The following ERI3 variants were observed in gnomAD, a reference collection of about 807,000 sequenced individuals.
The protein encoded by ERI3 is ERI1 exoribonuclease family member 3, also known as ERI1 exoribonuclease 3.
A neutral mutation model predicts 44.4 loss-of-function variants in ERI3; 18 were observed. The observed-to-expected ratio is 0.41, with a 90% CI of 0.28 to 0.60. ERI3 has a LOEUF of 0.60. ERI3 is among the 20% of genes least tolerant of loss of function. ERI3 has a pLI of 0.36. For missense variants in ERI3, 294 were observed against 435.5 expected (o/e 0.68, Z 2.89); for synonymous variants, 183 against 164.8 (o/e 1.11, Z -0.84).
At chr1:44,305,201 T>C (rs1645808311) in intron 6 of ERI3, among the ~76,000 whole-genome samples, 1 of 152,250 alleles carries the variant, frequency 6.6e-6, no homozygotes, top group Admixed American at 6.5e-5. Context: ...TCAGCCGTGC[T>C]GTGCTACATG....
rs1270288266 is a variant in ERI3, at chr1:44,276,405, G to A, written c.831+8430C>T. Among the ~76,000 whole-genome samples the A allele has an allele frequency of 2.0e-5, 3 of 152,232 alleles. No homozygotes were observed. The East Asian group carries it at 5.8e-4, about 29-fold the overall frequency. On this transcript the variant is annotated intron_variant, in intron 7 of 8. Coordinates refer to ENST00000372257, the MANE Select transcript of ERI3 (RefSeq NM_024066.3). ...TTTATACATATGTGTCCATGCATAT[G>A]CAATAGGTAAACATATTTTATGTGT... is the stretch of plus-strand genomic sequence containing the variant.
intron 7 of ERI3, among the ~76,000 whole-genome samples, chr1:44,248,943 G>A (rs950464369): frequency 7.2e-5 from 11 of 151,972 alleles, no homozygotes; most frequent in African/African-American, 2.4e-5. Context: ...GGGGACACAC[G>A]GCAGCTCAGG....
rs1643892767 is a variant in ERI3, at chr1:44,221,199, C to T, written c.*359G>A. Reference sequence around the variant, plus strand: ...AGCCCTGGGGGCACCACACACCATGCACTATGGATGGGAGGGGGCACAGGA... The same window carrying T: ...AGCCCTGGGGGCACCACACACCATGTACTATGGATGGGAGGGGGCACAGGA... On this transcript the variant is annotated 3_prime_UTR_variant, in exon 9 of 9. Coordinates refer to ENST00000372257, the MANE Select transcript of ERI3 (RefSeq NM_024066.3). The surrounding 1 kb of genome is among the most constrained non-coding windows in gnomAD (Gnocchi z 5.9). The T allele has an allele frequency of 3.0e-6, 1 of 336,654 alleles. No homozygotes were observed. Among genetic ancestry groups the T allele is most frequent in the Non-Finnish European group, 5.6e-6 (1 of 178,808 alleles). The allele number at this position is 336,654 out of a possible 1,614,324, so 20.9% of individuals were successfully genotyped here.
chr1:44,245,159 C>T (rs1040696250), intron 8 of ERI3, among the ~76,000 whole-genome samples: 14 of 152,154 alleles, frequency 9.2e-5, no homozygotes, highest in Admixed American at 2.0e-4. Context: ...CACAGTAACT[C>T]GGGGCATCGC....
intron 4 of ERI3, among the ~76,000 whole-genome samples, chr1:44,315,302 G>A (rs1226667955): frequency 6.6e-6 from 1 of 152,208 alleles, no homozygotes; most frequent in Admixed American, 6.5e-5. Context: ...ACACAGGAAA[G>A]CAATGCACCC....
At position 44,355,073 on chromosome 1, in the gene ERI3, G is replaced by T; in HGVS notation, c.-47C>A. On this transcript the variant is annotated 5_prime_UTR_variant, in exon 1 of 9. Transcript: ENST00000372257. ...CCAGCGCGGCAGGCTCCCTCCAGGT[G>T]CAGGCCCCGACGTCTCCCTCGGCCT... The T allele has an allele frequency of 7.6e-7, 1 of 1,310,076 alleles. No homozygotes were observed. The highest frequency in any genetic ancestry group is 9.8e-7 in the Non-Finnish European group (1 of 1,024,652). 81.2% of individuals were successfully genotyped at this position (1,310,076 alleles called of 1,614,324 possible).
chr1:44,329,663 A>G (rs1013950527), intron 3 of ERI3, among the ~76,000 whole-genome samples: 1 of 152,086 alleles, frequency 6.6e-6, no homozygotes, highest in African/African-American at 2.4e-5. Context: ...CCTAACCATC[A>G]CTACCTACCT....
intron 7 of ERI3, among the ~76,000 whole-genome samples, chr1:44,257,090 G>A (rs575264185): frequency 4.0e-4 from 61 of 152,030 alleles, no homozygotes; most frequent in Non-Finnish European, 5.7e-4. Context: ...TTTCCTCCCC[G>A]GGGTGCTGGG....
At chr1:44,247,914 C>T (rs770305585) in intron 8 of ERI3, 25 bp downstream of exon 8, 5 of 1,585,578 alleles carry the variant, frequency 3.2e-6, no homozygotes, top group South Asian at 1.1e-5. Flanking sequence ...ATGGAGCTGC[C>T]GGGGGAATAT....
chr1:44,227,239 A>G (rs1279577037), intron 8 of ERI3, among the ~76,000 whole-genome samples: 2 of 152,186 alleles, frequency 1.3e-5, no homozygotes, highest in Non-Finnish European at 2.9e-5. Flanking sequence ...AACACACTTT[A>G]TTACTGATCT....
intron 8 of ERI3, among the ~76,000 whole-genome samples, chr1:44,239,249 G>A (rs1644379643): frequency 6.6e-6 from 1 of 152,198 alleles, no homozygotes; most frequent in South Asian, 2.1e-4. Context: ...GGTATGGCCT[G>A]TGATGGTATG....
At chr1:44,340,149 CAAAAAA>C (rs35880098) in intron 2 of ERI3, among the ~76,000 whole-genome samples, 1 of 121,104 alleles carries the variant, frequency 8.3e-6, no homozygotes. Context: ...TGAACATGTG[CAAAAAA>C]AAAAAAAAAA....
At chr1:44,288,064 C>T (rs2154323706) in intron 6 of ERI3, among the ~76,000 whole-genome samples, 1 of 152,262 alleles carries the variant, frequency 6.6e-6, no homozygotes, top group African/African-American at 2.4e-5. Context: ...GGCATTTCCA[C>T]TGCCTAGGAA....
chr1:44,349,006 G>T (rs1267776614), intron 2 of ERI3, among the ~76,000 whole-genome samples: 1 of 152,104 alleles, frequency 6.6e-6, no homozygotes, highest in Admixed American at 6.5e-5. Context: ...AAGGCCACAG[G>T]GTATCAACAC....
At chr1:44,350,319 T>C (rs1646863403) in intron 2 of ERI3, among the ~76,000 whole-genome samples, 1 of 152,004 alleles carries the variant, frequency 6.6e-6, no homozygotes, top group South Asian at 2.1e-4. Flanking sequence ...TGGAGTAAAG[T>C]GGCACAATCT....
chr1:44,227,721 G>C (rs945514885), intron 8 of ERI3, among the ~76,000 whole-genome samples: 1 of 152,136 alleles, frequency 6.6e-6, no homozygotes, highest in Non-Finnish European at 1.5e-5. Flanking sequence ...TGAGGGCCAA[G>C]GCAGTGAGTT....
At chr1:44,267,419 T>C (rs1428097861) in intron 7 of ERI3, among the ~76,000 whole-genome samples, 2 of 152,114 alleles carry the variant, frequency 1.3e-5, no homozygotes, top group African/African-American at 4.8e-5. Flanking sequence ...TTCCCTCCCT[T>C]TCTTTCCTGC....
intron 6 of ERI3, among the ~76,000 whole-genome samples, chr1:44,295,724 T>G (rs941185328): frequency 1.3e-5 from 2 of 152,184 alleles, no homozygotes; most frequent in African/African-American, 4.8e-5. Flanking sequence ...ATCATCTAAA[T>G]CAACTTTCAG....
intron 8 of ERI3, among the ~76,000 whole-genome samples, chr1:44,223,767 G>A (rs919716005): frequency 1.3e-5 from 2 of 152,170 alleles, no homozygotes; most frequent in African/African-American, 4.8e-5. Context: ...GCCTGGCCCT[G>A]TGCTGGGAGA....
Sources: allele counts gnomAD v4.1 joint callset (sites outside exome capture counted in the v4.1 genomes callset), GRCh38; gene constraint gnomAD v4.1.1; non-coding constraint Gnocchi (gnomAD v3.1); transcripts MANE v1.5; gene names NCBI Gene and HGNC (gene_info 2026-07-23, HGNC 2026-07-21).